Variants in TJP1 observed in about 807,000 individuals in gnomAD.
TJP1 encodes tight junction protein ZO-1.
Under a neutral mutation model 194.2 loss-of-function variants are expected in TJP1, and 43 were observed. The ratio of observed to expected loss-of-function variants is 0.22; its 90% CI spans 0.17 to 0.29. The LOEUF (loss-of-function observed/expected upper bound fraction) is 0.29, where lower values mean the gene tolerates loss of function less well. TJP1 is among the 10% of genes least tolerant of loss of function. The pLI is 1.00. For missense variants in TJP1, 1,971 were observed against 2,185.7 expected (o/e 0.90, Z 1.96); for synonymous variants, 801 against 779.0 (o/e 1.03, Z -0.47).
intron 8 of TJP1, among the ~76,000 whole-genome samples, chr15:29,760,736 C>G (rs1225997770): frequency 2.0e-5 from 3 of 152,146 alleles, no homozygotes; most frequent in Non-Finnish European, 4.4e-5. Context: ...TATTAAAGGA[C>G]TTCTGTAGTT....
intron 1 of TJP1, among the ~76,000 whole-genome samples, chr15:29,960,509 C>T (rs1371328368): frequency 1.3e-5 from 2 of 151,776 alleles, no homozygotes; most frequent in Non-Finnish European, 2.9e-5. Context: ...ATTGCACATG[C>T]CTATGGGTCC....
intron 2 of TJP1, 147 bp downstream of exon 2, chr15:29,800,499 A>G (rs1419296971): frequency 1.4e-6 from 1 of 707,812 alleles, no homozygotes; most frequent in Non-Finnish European, 2.3e-6. Context: ...TTAATAAAAA[A>G]TTATTGTAAC....
At chr15:29,733,833 C>T (rs976096076) in intron 12 of TJP1, among the ~76,000 whole-genome samples, 2 of 152,182 alleles carry the variant, frequency 1.3e-5, no homozygotes, top group African/African-American at 4.8e-5. Flanking sequence ...AAAATGTCAA[C>T]AGTGCCAAGG....
At chr15:29,848,575 CTA>C (rs1442995718) in intron 2 of TJP1, among the ~76,000 whole-genome samples, 2 of 152,088 alleles carry the variant, frequency 1.3e-5, no homozygotes, top group African/African-American at 4.8e-5. Context: ...AATGCAGAAA[CTA>C]TTGGCTGGGC....
chr15:29,755,198 T>C (rs1294755353), intron 8 of TJP1, among the ~76,000 whole-genome samples: 1 of 152,140 alleles, frequency 6.6e-6, no homozygotes, highest in Non-Finnish European at 1.5e-5. Flanking sequence ...CTAGGAGCAA[T>C]AGGCTACACC....
At chr15:29,791,620 C>T (rs1468032032) in intron 2 of TJP1, among the ~76,000 whole-genome samples, 1 of 146,926 alleles carries the variant, frequency 6.8e-6, no homozygotes, top group Non-Finnish European at 1.5e-5. Flanking sequence ...GTCTCGATGT[C>T]CTGACTTCAT....
At chr15:29,949,927 C>A (rs2055597338) in intron 2 of TJP1, among the ~76,000 whole-genome samples, 1 of 57,034 alleles carries the variant, frequency 1.8e-5, no homozygotes, top group African/African-American at 1.5e-4. Context: ...CCACCTTCAC[C>A]ACCACCACCA....
chr15:29,748,153 A>G (rs184786986), intron 8 of TJP1, among the ~76,000 whole-genome samples: 3 of 152,358 alleles, frequency 2.0e-5, no homozygotes, highest in Middle Eastern at 3.4e-3. Context: ...GTTAAATAAA[A>G]TAAGGCGAAA....
chr15:29,704,897 C>T (rs867623841), intron 26 of TJP1, among the ~76,000 whole-genome samples: 3 of 152,084 alleles, frequency 2.0e-5, no homozygotes, highest in South Asian at 2.1e-4. Context: ...GTCAGTATTC[C>T]GGCAAAATAC....
chr15:29,728,990 C>G (rs2043420223), intron 15 of TJP1: 1 of 152,188 alleles, frequency 6.6e-6, no homozygotes, highest in African/African-American at 2.4e-5. Context: ...ACCTGAATTC[C>G]CTGTTGTGGA....
Position 29,718,389 on chromosome 15 carries a change from G to A in TJP1, c.3753C>T (p.Thr1251=), listed in dbSNP as rs759101186. ...TKPLPPPPTQ[T]EEEEDPAMKP... is the part of the protein sequence containing the mutation. ...TCATTGCTGGATCTTCCTCTTCTTC[G>A]GTTTGAGTTGGGGGTGGAGGCAGTG... is the stretch of plus-strand genomic sequence containing the variant. The change falls in exon 21 of 28, where the codon ACC becomes ACT. Residue 1251 remains threonine, a synonymous_variant. Coordinates refer to ENST00000614355, the MANE Select transcript of TJP1 (RefSeq NM_001330239.4). The A allele has an allele frequency of 6.7e-5, 108 of 1,614,026 alleles. 1 individual carries two copies. Among genetic ancestry groups the A allele is most frequent in the Admixed American group, 4.2e-4 (25 of 60,010 alleles).
chr15:29,902,099 A>G (rs184061218), intron 2 of TJP1, among the ~76,000 whole-genome samples: 145 of 152,348 alleles, frequency 9.5e-4, no homozygotes, highest in African/African-American at 3.3e-3. Context: ...AGGGGAAAAA[A>G]TCCAGATAGT....
In TJP1 at chr15:29,927,694, C is replaced by T. The variant is rs995085804; in HGVS notation, c.306+28538G>A. On this transcript the variant is annotated intron_variant, in intron 2 of 28. Coordinates refer to the TJP1 transcript ENST00000356107. The stretch of plus-strand genomic sequence containing the variant: ...AATGGAGGTCTGAGAAGGTGAGCCA[C>T]GCATATGGGGCCATCTTCCCCTTGG... Among the ~76,000 whole-genome samples the T allele has an allele frequency of 2.6e-5, 4 of 152,212 alleles. No individual in the cohort carries two copies. The East Asian group carries it at 5.8e-4, about 22-fold the overall frequency.
Position 29,838,011 on chromosome 15 carries a change from CA to C in TJP1, c.307-37310del, listed in dbSNP as rs773610349. Among the ~76,000 whole-genome samples the C allele has an allele frequency of 5.4e-4, 82 of 152,282 alleles. 1 individual carries two copies. The highest frequency in any genetic ancestry group is 9.3e-4 in the Non-Finnish European group (63 of 68,034). On this transcript the variant is annotated intron_variant, in intron 2 of 28. Transcript: ENST00000356107. ...TTAGGAGGATTCATTTCCAGCTCTC[CA>C]AAAATGTCCATCCCTTTGTTAATTA...
chr15:29,921,234 C>T (rs2054347543), intron 2 of TJP1, among the ~76,000 whole-genome samples: 2 of 152,188 alleles, frequency 1.3e-5, no homozygotes, highest in African/African-American at 4.8e-5. Flanking sequence ...CTCCCGTCAC[C>T]TCCTGGACCT....
chr15:29,916,970 C>CT (rs1236267184), intron 2 of TJP1, among the ~76,000 whole-genome samples: 1 of 152,152 alleles, frequency 6.6e-6, no homozygotes, highest in Non-Finnish European at 1.5e-5. Context: ...ACAGAACCCC[C>CT]CCTCCACCAC....
rs527519702 is a variant in TJP1 at position 29,850,426 on chromosome 15, G to C, written c.307-49724C>G. Among the ~76,000 whole-genome samples the C allele has an allele frequency of 4.6e-5, 7 of 152,118 alleles. No homozygotes were observed. The South Asian group carries it at 1.2e-3, about 27-fold the overall frequency. ...GCTCACTGCAAGCTCCGCCTCCCAG[G>C]TCCTGGTTTAAGCAATTCTCCTGCC... On this transcript the variant is annotated intron_variant, in intron 2 of 28. Coordinates refer to the TJP1 transcript ENST00000356107.
intron 1 of TJP1, among the ~76,000 whole-genome samples, chr15:29,804,892 G>A (rs958048533): frequency 6.6e-6 from 1 of 152,128 alleles, no homozygotes; most frequent in Non-Finnish European, 1.5e-5. Context: ...AAATGAACTA[G>A]ACCAGGCATA....
intron 2 of TJP1, among the ~76,000 whole-genome samples, chr15:29,940,760 G>A (rs571722837): frequency 9.2e-5 from 14 of 152,168 alleles, no homozygotes; most frequent in East Asian, 3.9e-4. Context: ...TCCATAAATC[G>A]ACTCATTCAA....
Sources: allele counts gnomAD v4.1 joint callset (sites outside exome capture counted in the v4.1 genomes callset), GRCh38; gene constraint gnomAD v4.1.1; transcripts MANE v1.5; gene names NCBI Gene and HGNC (gene_info 2026-07-23, HGNC 2026-07-21).